C1orf226: variants seen among roughly 807,000 people sequenced by gnomAD.
C1orf226 encodes chromosome 1 open reading frame 226, also known as uncharacterized protein C1orf226.
In C1orf226, 4 loss-of-function variants were observed where a neutral mutation model predicts 10.5. That is an observed-to-expected ratio of 0.38 (90% confidence interval 0.19 to 0.87). The LOEUF is 0.87. Among genes scored for constraint, C1orf226 ranks in the 40% least tolerant of loss-of-function variants. The probability of loss-of-function intolerance (pLI) is 0.41; values close to 1 mark genes in which losing one functional copy is unlikely to be tolerated. For missense variants in C1orf226, 313 were observed against 336.2 expected, an observed-to-expected ratio of 0.93 and a Z score of 0.54; for synonymous variants, 125 against 139.3, an observed-to-expected ratio of 0.90 and a Z score of 0.72.
chr1:162,383,041 A>G (rs1647970114), intron 1 of C1orf226, 141 bp from the exon 2 acceptor site: 3 of 793,796 alleles, frequency 3.8e-6, no homozygotes. Flanking sequence ...GTGCCAAACC[A>G]AGAACCAGAG....
chr1:162,379,311 C>T (rs1201317241), upstream of C1orf226, among the ~76,000 whole-genome samples: 1 of 152,136 alleles, frequency 6.6e-6, no homozygotes, highest in Non-Finnish European at 1.5e-5. Context: ...CCCACTTTCA[C>T]TTTGAATAGA....
In C1orf226 at chr1:162,382,061, C is replaced by G; in HGVS notation, c.160C>G (p.Leu54Val). ...GGGCAGCAGCCAGCACCTCAAGAAC[C>G]TGGGCAAAGCCATGGGGGCCAAAGT... ...WVGSSQHLKN[L>V]GKAMGAKVND... is the part of the protein sequence containing the mutation. Residue 54 changes from leucine to valine, a missense_variant, in exon 1 of 2, where the codon CTG becomes GTG. Physicochemically the swap from Leu to Val is conservative, Grantham distance 32. Coordinates refer to ENST00000458626, the MANE Select transcript of C1orf226 (RefSeq NM_001085375.2). 1 of 1,607,310 alleles carries G rather than the reference C, an allele frequency of 6.2e-7. No individual in the cohort carries two copies. The highest frequency in any genetic ancestry group is 8.5e-7 in the Non-Finnish European group (1 of 1,176,922).
Position 162,381,952 on chromosome 1 carries a change from C to T in C1orf226, c.51C>T (p.Arg17=). Residue 17 remains arginine (R), a synonymous_variant, in exon 1 of 2, where the codon CGC becomes CGT. Coordinates refer to ENST00000458626, the MANE Select transcript of C1orf226 (RefSeq NM_001085375.2). ...TALTPKLQAS[R]SFPHLSKPVA... ...TCACTCCAAAGCTCCAGGCCAGCCG[C>T]TCCTTCCCCCACTTGTCCAAGCCCG... The T allele has an allele frequency of 1.2e-6, 2 of 1,612,962 alleles. No individual in the cohort carries two copies. The highest frequency in any genetic ancestry group is 1.7e-6 in the Non-Finnish European group (2 of 1,179,896).
rs1274617669 is a variant in C1orf226 at position 162,383,293 on chromosome 1, T to C, written c.429T>C (p.Pro143=). ...AGGACATGCTGATTTCATCACAGCC[T>C]GTCCTCAGCAGTCTGGAGTATGGGA... ...TTQDMLISSQ[P]VLSSLEYGTE... The change falls in exon 2 of 2, where the codon CCT becomes CCC. Residue 143 remains proline (P), a synonymous_variant. Coordinates refer to ENST00000458626, the MANE Select transcript of C1orf226 (RefSeq NM_001085375.2). 1.2e-6 allele frequency: 2 copies of C among 1,613,600 alleles called. No homozygotes were observed. The highest frequency in any genetic ancestry group is 2.7e-5 in the African/African-American group (2 of 74,942).
upstream of C1orf226, among the ~76,000 whole-genome samples, chr1:162,380,922 G>A (rs1041519762): frequency 6.6e-6 from 1 of 152,236 alleles, no homozygotes; most frequent in African/African-American, 2.4e-5. Context: ...AATGAGGCAT[G>A]CTCTCTGCCT....
In C1orf226 at chr1:162,381,982, C is replaced by T. The variant is rs1417046158; in HGVS notation, c.81C>T (p.Ala27=). Residue 27 remains alanine, a synonymous_variant, in exon 1 of 2, where the codon GCC becomes GCT. Coordinates refer to ENST00000458626, the MANE Select transcript of C1orf226 (RefSeq NM_001085375.2). Reference sequence around the variant, plus strand: ...TCCCCCACTTGTCCAAGCCCGTGGCCCCCGGCTCTGCCCCTCTGGGCTCTG... The same window carrying T: ...TCCCCCACTTGTCCAAGCCCGTGGCTCCCGGCTCTGCCCCTCTGGGCTCTG... ...RSFPHLSKPV[A]PGSAPLGSGE... is the part of the protein sequence containing the mutation. 6.2e-7 allele frequency: 1 copy of T among 1,612,916 alleles called. No homozygotes were observed.
At chr1:162,382,300 C>T (rs923742308) in intron 1 of C1orf226, 82 bp downstream of exon 1, 20 of 1,473,258 alleles carry the variant, frequency 1.4e-5, no homozygotes, top group Non-Finnish European at 1.7e-5. Flanking sequence ...AGTGTCTGCA[C>T]AGGAGAACAG....
At chr1:162,382,345 A>T (rs1280462071) in intron 1 of C1orf226, 127 bp downstream of exon 1, 1 of 1,241,784 alleles carries the variant, frequency 8.1e-7, no homozygotes, top group Non-Finnish European at 1.1e-6. Flanking sequence ...TCCTGTACTG[A>T]AAAGCTGCAG....
rs1352736358 is a variant in C1orf226, at chr1:162,386,673, AAAG to A, written c.*2998_*3000del. 4 of 152,262 alleles carry A rather than the reference AAAG, an allele frequency of 2.6e-5. No homozygotes were observed. Among genetic ancestry groups the A allele is most frequent in the Non-Finnish European group, 5.9e-5 (4 of 68,068 alleles). 9.4% of individuals were successfully genotyped at this position (152,262 alleles called of 1,614,324 possible). On this transcript the variant is annotated 3_prime_UTR_variant, in exon 2 of 2. Coordinates refer to ENST00000458626, the MANE Select transcript of C1orf226 (RefSeq NM_001085375.2). ...ACATGTATGCAATCCATCAGCGTTT[AAAG>A]AAGAAGATTGGCTCCAGTTCGGAGG...
intron 1 of C1orf226, 148 bp downstream of exon 1, chr1:162,382,366 C>T (rs180775037): frequency 5.3e-5 from 53 of 997,352 alleles, no homozygotes; most frequent in East Asian, 4.8e-4. Flanking sequence ...GATCAGGCCA[C>T]GTTCTCGGGA....
chr1:162,379,285 A>AC (rs901377042), upstream of C1orf226, among the ~76,000 whole-genome samples: 3 of 151,738 alleles, frequency 2.0e-5, no homozygotes, highest in East Asian at 1.9e-4. Flanking sequence ...GGATAAAGGG[A>AC]CCCCCCAGCC....
intron 1 of C1orf226, among the ~76,000 whole-genome samples, chr1:162,382,751 C>T (rs1249901893): frequency 1.3e-5 from 2 of 152,184 alleles, no homozygotes; most frequent in Non-Finnish European, 2.9e-5. Flanking sequence ...CCCACTAGGG[C>T]ACAGTGGGAG....
At chr1:162,382,343 T>A in intron 1 of C1orf226, 125 bp downstream of exon 1, 1 of 1,251,596 alleles carries the variant, frequency 8.0e-7, no homozygotes, top group Non-Finnish European at 1.1e-6. Context: ...TGTCCTGTAC[T>A]GAAAAGCTGC....
At position 162,381,731 on chromosome 1, in the gene C1orf226, C is replaced by T. The variant is rs1303161121; in HGVS notation, c.-171C>T. 5 of 1,441,050 alleles carry T rather than the reference C, an allele frequency of 3.5e-6. No homozygotes were observed. The East Asian group carries it at 1.3e-4, about 37-fold the overall frequency. 89.3% of individuals were successfully genotyped at this position (1,441,050 alleles called of 1,614,324 possible). A position where few individuals can be genotyped will look rare whatever the true frequency, so the allele number is the denominator to read the frequency against. ...TTCCTGTCCCATCAAGAAAACTACA[C>T]TGGAAAGTTCAAGAGTGTCTTTGCT... On this transcript the variant is annotated 5_prime_UTR_variant, in exon 1 of 2. Coordinates refer to ENST00000458626, the MANE Select transcript of C1orf226 (RefSeq NM_001085375.2).
upstream of C1orf226, among the ~76,000 whole-genome samples, chr1:162,380,363 G>A (rs1292229289): frequency 6.6e-6 from 1 of 152,200 alleles, no homozygotes; most frequent in African/African-American, 2.4e-5. Flanking sequence ...TTAGAATATG[G>A]CATACCTAGG....
upstream of C1orf226, chr1:162,379,070 C>T: frequency 7.4e-7 from 1 of 1,344,908 alleles, no homozygotes; most frequent in East Asian, 2.5e-5. Context: ...CTTACATCCC[C>T]AGATGCCCTC....
In C1orf226 at chr1:162,381,884, T is replaced by C. The variant is rs1647924587; in HGVS notation, c.-18T>C. 4 of 1,611,730 alleles carry C rather than the reference T, an allele frequency of 2.5e-6. No individual in the cohort carries two copies. Among genetic ancestry groups the C allele is most frequent in the Non-Finnish European group, 3.4e-6 (4 of 1,179,598 alleles). On this transcript the variant is annotated 5_prime_UTR_variant, in exon 1 of 2. Coordinates refer to ENST00000458626, the MANE Select transcript of C1orf226 (RefSeq NM_001085375.2). ...ATCATGCCTCTCTGTCGCCTCTTTG[T>C]TCATAGTTGACCACGGCATGTTTGA... is the stretch of plus-strand genomic sequence containing the variant.
At chr1:162,381,236 G>T (rs531157123), upstream of C1orf226, among the ~76,000 whole-genome samples, 3 of 152,320 alleles carry the variant, frequency 2.0e-5, 1 homozygote, top group South Asian at 6.2e-4. Flanking sequence ...TGGTTGTAAG[G>T]ATTAAGTAAG....
upstream of C1orf226, chr1:162,379,040 T>G (rs778045656): frequency 4.1e-5 from 62 of 1,525,400 alleles, no homozygotes; most frequent in Non-Finnish European, 5.5e-5. Flanking sequence ...AGGTAAGATA[T>G]CCTGTTTTTT....
Sources: gnomAD v4.1 joint callset for allele counts (sites outside exome capture counted in the v4.1 genomes callset) on GRCh38, gnomAD v4.1.1 for gene constraint, MANE v1.5 for transcripts, NCBI Gene and HGNC (gene_info 2026-07-23, HGNC 2026-07-21) for gene names.